NBEA: variants seen among roughly 807,000 people sequenced by gnomAD.
NBEA encodes the protein neurobeachin.
A neutral mutation model predicts 343.4 loss-of-function variants in NBEA; 44 were observed. The ratio of observed to expected loss-of-function variants is 0.13; its 90% confidence interval spans 0.10 to 0.16. The LOEUF (loss-of-function observed/expected upper bound fraction) is 0.16. Ranked by LOEUF, NBEA falls within the 10% of genes least tolerant of loss-of-function variation. The probability of loss-of-function intolerance (pLI) is 1.00; values close to 1 mark genes in which losing one functional copy is unlikely to be tolerated. For synonymous variants in NBEA, 1,175 were observed against 1,238.7 expected, an observed-to-expected ratio of 0.95 and a Z score of 1.08; for missense variants, 2,555 against 3,631.3, an observed-to-expected ratio of 0.70 and a Z score of 7.62.
intron 39 of NBEA, among the ~76,000 whole-genome samples, chr13:35,439,274 A>G (rs1040982274): frequency 1.3e-5 from 2 of 152,232 alleles, no homozygotes; most frequent in Non-Finnish European, 2.9e-5. Flanking sequence ...TCCAGTGGAA[A>G]GGAATAAAGA....
chr13:35,162,595 C>G (rs1350936873), intron 23 of NBEA, among the ~76,000 whole-genome samples: 2 of 152,022 alleles, frequency 1.3e-5, no homozygotes, highest in Non-Finnish European at 2.9e-5. Flanking sequence ...CTTTCACTTT[C>G]TCTTTTTCTT....
intron 1 of NBEA, among the ~76,000 whole-genome samples, chr13:35,038,948 CA>C (rs1245674948): frequency 2.0e-5 from 3 of 152,132 alleles, no homozygotes; most frequent in Non-Finnish European, 4.4e-5. Context: ...CTATGAGGTA[CA>C]GTCCTTATGG....
intron 18 of NBEA, among the ~76,000 whole-genome samples, chr13:35,152,912 T>A (rs954869656): frequency 6.6e-6 from 1 of 152,132 alleles, no homozygotes; most frequent in African/African-American, 2.4e-5. Context: ...CTCTTACCAA[T>A]CCAGTCAAAC....
intron 1 of NBEA, among the ~76,000 whole-genome samples, chr13:35,037,235 T>G (rs2062477181): frequency 6.6e-6 from 1 of 152,220 alleles, no homozygotes; most frequent in Non-Finnish European, 1.5e-5. Flanking sequence ...GAATTTCTGC[T>G]TGATTTTTAA....
chr13:35,127,978 A>G (rs1394404824), intron 17 of NBEA, among the ~76,000 whole-genome samples: 2 of 151,854 alleles, frequency 1.3e-5, no homozygotes. Context: ...CAGTAATGAA[A>G]CCCAGTTCTG....
chr13:35,403,184 ATTAAT>A (rs976209574), intron 38 of NBEA, among the ~76,000 whole-genome samples: 1 of 151,510 alleles, frequency 6.6e-6, no homozygotes, highest in African/African-American at 2.4e-5. Flanking sequence ...TAAATAAAAA[ATTAAT>A]TAAAATAAAT....
At chr13:35,643,610 G>A (rs2084074502) in intron 49 of NBEA, among the ~76,000 whole-genome samples, 1 of 152,126 alleles carries the variant, frequency 6.6e-6, no homozygotes, top group Non-Finnish European at 1.5e-5. Context: ...TGAACAAACA[G>A]ACATACATAA....
chr13:35,518,777 T>A (rs2077581952), intron 41 of NBEA, among the ~76,000 whole-genome samples: 1 of 150,492 alleles, frequency 6.6e-6, no homozygotes, highest in Admixed American at 6.6e-5. Flanking sequence ...TTGATATAAT[T>A]TGGGTCAGAG....
chr13:35,436,369 T>G (rs963228103), intron 39 of NBEA, among the ~76,000 whole-genome samples: 22 of 152,182 alleles, frequency 1.4e-4, no homozygotes, highest in African/African-American at 5.1e-4. Flanking sequence ...AACTGATCTC[T>G]TCCTCTGTGT....
chr13:35,606,096 T>C (rs2082271023), intron 47 of NBEA, among the ~76,000 whole-genome samples: 1 of 152,264 alleles, frequency 6.6e-6, no homozygotes, highest in Non-Finnish European at 1.5e-5. Context: ...TATATAGCTT[T>C]ACATATTTGT....
intron 52 of NBEA, 67 bp from the exon 53 acceptor site, chr13:35,651,738 A>G: frequency 1.1e-6 from 1 of 889,880 alleles, no homozygotes; most frequent in Non-Finnish European, 1.8e-6. Context: ...ATAAAACACT[A>G]CCCATTAGGA....
chr13:35,445,808 A>G (rs1045808705), intron 39 of NBEA, among the ~76,000 whole-genome samples: 5 of 138,170 alleles, frequency 3.6e-5, no homozygotes, highest in Non-Finnish European at 7.9e-5. Context: ...ATATATATAT[A>G]TATATATATG....
chr13:35,392,408 T>C (rs1235132279), intron 38 of NBEA, among the ~76,000 whole-genome samples: 1 of 151,944 alleles, frequency 6.6e-6, no homozygotes, highest in Non-Finnish European at 1.5e-5. Flanking sequence ...GTAAATTTTG[T>C]AATATGCCTA....
chr13:35,032,442 AT>A (rs1338425185), intron 1 of NBEA, among the ~76,000 whole-genome samples: 1 of 151,752 alleles, frequency 6.6e-6, no homozygotes, highest in Non-Finnish European at 1.5e-5. Context: ...GGCCACACTT[AT>A]GTCTTCTTTT....
chr13:35,405,368 C>T (rs1399736426), intron 38 of NBEA, among the ~76,000 whole-genome samples: 1 of 152,122 alleles, frequency 6.6e-6, no homozygotes, highest in East Asian at 1.9e-4. Context: ...CTGTCTCATG[C>T]TGCTGCTGCT....
At chr13:35,473,176 T>C (rs1233754092) in intron 41 of NBEA, among the ~76,000 whole-genome samples, 1 of 152,214 alleles carries the variant, frequency 6.6e-6, no homozygotes, top group East Asian at 1.9e-4. Context: ...TTAAATGTTA[T>C]TGTGTAGATT....
rs2066213103 is a variant in NBEA, at chr13:35,111,644, G to A, written c.2002+666G>A. Among the ~76,000 whole-genome samples the A allele has an allele frequency of 3.3e-5, 5 of 151,604 alleles. No individual in the cohort carries two copies. In the South Asian group the frequency reaches 1.0e-3, roughly 32 times the overall value. ...CTCAGCTCAATGTAGTAATGTAAGG[G>A]GATGTACCATTTACATCGTTTCTAA... is the stretch of plus-strand genomic sequence containing the variant. On this transcript the variant is annotated intron_variant, in intron 13 of 58. Coordinates refer to ENST00000379939, the MANE Select transcript of NBEA (RefSeq NM_001385012.1).
intron 1 of NBEA, among the ~76,000 whole-genome samples, chr13:34,988,388 C>T (rs2060633422): frequency 6.6e-6 from 1 of 151,122 alleles, no homozygotes; most frequent in Non-Finnish European, 1.5e-5. Flanking sequence ...TCAGCTATGC[C>T]CTGCCCCCAG....
chr13:35,510,401 A>G (rs2077232785), intron 41 of NBEA, among the ~76,000 whole-genome samples: 1 of 152,192 alleles, frequency 6.6e-6, no homozygotes, highest in Non-Finnish European at 1.5e-5. Flanking sequence ...CTTAGTGTCC[A>G]TTTATATTTT....
Sources: gnomAD v4.1 joint callset for allele counts (sites outside exome capture counted in the v4.1 genomes callset) on GRCh38, gnomAD v4.1.1 for gene constraint, MANE v1.5 for transcripts, NCBI Gene and HGNC (gene_info 2026-07-23, HGNC 2026-07-21) for gene names.